The following RALGAPA1 variants were observed in gnomAD, a reference collection of about 807,000 sequenced individuals.
RALGAPA1 encodes ral GTPase-activating protein subunit alpha-1.
A neutral mutation model predicts 269.6 loss-of-function variants in RALGAPA1; 52 were observed. The ratio of observed to expected loss-of-function variants is 0.19; its 90% CI spans 0.15 to 0.24. The LOEUF (loss-of-function observed/expected upper bound fraction) is 0.24. Ranked by LOEUF, RALGAPA1 falls within the 10% of genes least tolerant of loss-of-function variation. The probability of loss-of-function intolerance (pLI) is 1.00; values close to 1 mark genes in which losing one functional copy is unlikely to be tolerated. For synonymous variants in RALGAPA1, 817 were observed against 1,008.3 expected, an observed-to-expected ratio of 0.81 and a Z score of 3.60; for missense variants, 1,917 against 3,013.9, an observed-to-expected ratio of 0.64 and a Z score of 8.52.
intron 36 of RALGAPA1, among the ~76,000 whole-genome samples, chr14:35,596,817 T>G (rs2058956948): frequency 6.6e-6 from 1 of 152,170 alleles, no homozygotes; most frequent in Non-Finnish European, 1.5e-5. Flanking sequence ...AGAAAGCAAT[T>G]TAAGTATCTT....
intron 27 of RALGAPA1, among the ~76,000 whole-genome samples, chr14:35,661,683 G>A (rs1037023097): frequency 3.9e-5 from 6 of 152,096 alleles, no homozygotes; most frequent in East Asian, 1.9e-4. Flanking sequence ...GTCATACAAC[G>A]TAAGTTCCTT....
At chr14:35,645,488 T>C (rs1176390288) in intron 31 of RALGAPA1, among the ~76,000 whole-genome samples, 1 of 151,914 alleles carries the variant, frequency 6.6e-6, no homozygotes, top group Non-Finnish European at 1.5e-5. Context: ...CCCACCACTT[T>C]GGGAGGCTGA....
chr14:35,663,585 GA>G (rs774979340), intron 27 of RALGAPA1, among the ~76,000 whole-genome samples: 3 of 143,498 alleles, frequency 2.1e-5, no homozygotes, highest in Admixed American at 2.1e-4. Flanking sequence ...AAACCCTTGG[GA>G]ATTTTTTTTT....
At chr14:35,643,147 A>C (rs965707194) in intron 31 of RALGAPA1, among the ~76,000 whole-genome samples, 1 of 150,430 alleles carries the variant, frequency 6.6e-6, no homozygotes, top group African/African-American at 2.4e-5. Context: ...ACACTTAGAC[A>C]CAGGATGGGA....
chr14:35,616,521 A>G (rs1189885666), intron 35 of RALGAPA1, among the ~76,000 whole-genome samples: 1 of 152,218 alleles, frequency 6.6e-6, no homozygotes, highest in Non-Finnish European at 1.5e-5. Context: ...TGGTAGATAC[A>G]TGTCAGTACA....
At chr14:35,676,659 G>A (rs1021071683) in intron 22 of RALGAPA1, 7 of 152,124 alleles carry the variant, frequency 4.6e-5, no homozygotes, top group African/African-American at 7.2e-5. Context: ...TTGTGGTTAC[G>A]CAGAAAACAT....
intron 1 of RALGAPA1, among the ~76,000 whole-genome samples, chr14:35,776,516 A>T (rs554794267): frequency 7.2e-5 from 11 of 152,370 alleles, no homozygotes; most frequent in African/African-American, 2.6e-4. Context: ...TGCTCTAAAG[A>T]AACTGTCAGT....
intron 37 of RALGAPA1, among the ~76,000 whole-genome samples, chr14:35,589,518 T>C (rs1337390716): frequency 6.6e-6 from 1 of 152,168 alleles, no homozygotes; most frequent in Non-Finnish European, 1.5e-5. Context: ...CATAAATATA[T>C]ACAATTTCAA....
rs747164317 is a variant in RALGAPA1, at chr14:35,664,785, A to T, written c.5203-18T>A. 27 of 1,602,488 alleles carry T rather than the reference A, an allele frequency of 1.7e-5. No individual in the cohort carries two copies. In the East Asian group the frequency reaches 5.4e-4, roughly 32 times the overall value. On this transcript the variant is annotated intron_variant, in intron 26 of 41. Transcript: ENST00000680220. ...CTTGGTGCCTATGTATCACATTTTTAAAAAGTTTAAAAATATATTGGTGTT... is the reference window on the plus strand; with the variant it reads ...CTTGGTGCCTATGTATCACATTTTTTAAAAGTTTAAAAATATATTGGTGTT...
intron 39 of RALGAPA1, among the ~76,000 whole-genome samples, chr14:35,562,349 T>A (rs1424724626): frequency 6.6e-6 from 1 of 152,128 alleles, no homozygotes; most frequent in Non-Finnish European, 1.5e-5. Flanking sequence ...GCCTCCTCCT[T>A]GGAGGGGACA....
intron 26 of RALGAPA1, among the ~76,000 whole-genome samples, chr14:35,670,386 C>A (rs2064303099): frequency 6.6e-6 from 1 of 152,140 alleles, no homozygotes; most frequent in Admixed American, 6.5e-5. Context: ...TATTATTTTT[C>A]ATTTACACTT....
intron 7 of RALGAPA1, among the ~76,000 whole-genome samples, chr14:35,752,858 T>C (rs571479048): frequency 1.3e-5 from 2 of 152,144 alleles, no homozygotes; most frequent in Admixed American, 1.3e-4. Context: ...TAAGTATATA[T>C]ACTAAGAATA....
At chr14:35,657,689 A>G (rs937677122) in intron 28 of RALGAPA1, among the ~76,000 whole-genome samples, 2 of 145,266 alleles carry the variant, frequency 1.4e-5, no homozygotes, top group South Asian at 2.2e-4. Context: ...ATATATATAT[A>G]TTTTTTTTTT....
chr14:35,688,382 A>G lies in RALGAPA1; in HGVS notation c.3952+77T>C, dbSNP rs974897750. 7 of 1,503,026 alleles carry G rather than the reference A, an allele frequency of 4.7e-6. No individual in the cohort carries two copies. In the African/African-American group the frequency reaches 6.9e-5, roughly 15 times the overall value. The allele number at this position is 1,503,026 out of a possible 1,614,324, so 93.1% of individuals were successfully genotyped here. On this transcript the variant is annotated intron_variant, in intron 18 of 41. Transcript: ENST00000680220. ...CCATCCCAAAGCTTTTTGATTGCTT[A>G]TAGCTTGCTTCAGTTGCATTAAGCC...
chr14:35,674,254 T>A lies in RALGAPA1; in HGVS notation c.4843A>T (p.Thr1615Ser). 1 of 1,611,890 alleles carries A rather than the reference T, an allele frequency of 6.2e-7. No individual in the cohort carries two copies. The highest frequency in any genetic ancestry group is 8.5e-7 in the Non-Finnish European group (1 of 1,178,768). ...GGAGAAGGGGAGGTCAGGTTATCAG[T>A]TGAAATGCCAAGGTTATCTCTAATC... is the stretch of plus-strand genomic sequence containing the variant. ...AKIRDNLGIS[T>S]DNLTSPSPPV... The change falls in exon 24 of 42, where the codon ACT becomes TCT. Residue 1615 changes from threonine (T) to serine (S), a missense_variant. Physicochemically the swap from Thr to Ser is moderately conservative, Grantham distance 58. This residue lies in a region of RALGAPA1 where 73 missense variants were observed against 190.6 expected (regional missense o/e 0.38). Coordinates refer to ENST00000680220, the MANE Select transcript of RALGAPA1 (RefSeq NM_001346249.2).
intron 39 of RALGAPA1, chr14:35,564,455 T>C (rs776797002): frequency 6.6e-6 from 1 of 152,230 alleles, no homozygotes; most frequent in Non-Finnish European, 1.5e-5. Context: ...CCACTTAGTT[T>C]TGGCTTTCCT....
intron 31 of RALGAPA1, among the ~76,000 whole-genome samples, chr14:35,647,297 G>A (rs1469569220): frequency 2.0e-5 from 3 of 152,018 alleles, no homozygotes; most frequent in Non-Finnish European, 2.9e-5. Context: ...GTTAGCCCAA[G>A]CCCATATTCA....
intron 3 of RALGAPA1, among the ~76,000 whole-genome samples, chr14:35,771,411 A>G (rs997892236): frequency 3.3e-5 from 5 of 151,534 alleles, no homozygotes; most frequent in Non-Finnish European, 5.9e-5. Context: ...AAACAAAACA[A>G]AACAAACAAA....
chr14:35,651,657 C>T (rs993752446), intron 31 of RALGAPA1, 148 bp downstream of exon 31: 1 of 599,234 alleles, frequency 1.7e-6, no homozygotes, highest in African/African-American at 1.9e-5. Flanking sequence ...TTTAGTTATA[C>T]TTAAATAACA....
Sources: allele counts gnomAD v4.1 joint callset (sites outside exome capture counted in the v4.1 genomes callset), GRCh38; gene constraint gnomAD v4.1.1; regional missense constraint gnomAD v4.1.1; transcripts MANE v1.5; gene names NCBI Gene and HGNC (gene_info 2026-07-23, HGNC 2026-07-21).